Variants in NTRK3 observed in about 807,000 individuals in gnomAD.
NTRK3 encodes NT-3 growth factor receptor.
NTRK3 carries 24 observed loss-of-function variants against 91.7 expected under a neutral mutation model. That is an observed-to-expected ratio of 0.26 (90% CI 0.19 to 0.37). The LOEUF (loss-of-function observed/expected upper bound fraction) is 0.37, where lower values mean the gene tolerates loss of function less well. Among genes scored for constraint, NTRK3 ranks in the 10% least tolerant of loss-of-function variants. The pLI is 1.00. For synonymous variants in NTRK3, 483 were observed against 404.0 expected (o/e 1.20, Z -2.34); for missense variants, 880 against 1,068.9 (o/e 0.82, Z 2.46).
At chr15:87,952,829 G>A (rs1399993136) in intron 14 of NTRK3, among the ~76,000 whole-genome samples, 1 of 152,044 alleles carries the variant, frequency 6.6e-6, no homozygotes, top group Non-Finnish European at 1.5e-5. Context: ...GCTTCTGCCA[G>A]GCACCCCCGC....
intron 15 of NTRK3, among the ~76,000 whole-genome samples, chr15:87,938,515 C>T (rs1397746863): frequency 2.0e-5 from 3 of 152,096 alleles, no homozygotes; most frequent in African/African-American, 7.2e-5. Flanking sequence ...AAATCCCAGA[C>T]GGTTCATCTC....
chr15:88,026,184 C>T (rs920981599), intron 14 of NTRK3, among the ~76,000 whole-genome samples: 13 of 151,954 alleles, frequency 8.6e-5, no homozygotes, highest in Admixed American at 2.0e-4. Flanking sequence ...GGCAGGAGAA[C>T]GGTGTGAACC....
rs142353354 is a variant in NTRK3 at position 87,936,438 on chromosome 15, T to C, written c.1717-3254A>G. Among the ~76,000 whole-genome samples, 1,055 of 152,094 alleles carry C rather than the reference T, an allele frequency of 6.9e-3. 4 individuals carry two copies. The highest frequency in any genetic ancestry group is 0.012 in the Non-Finnish European group (811 of 67,996). On this transcript the variant is annotated intron_variant, in intron 15 of 18. Coordinates refer to ENST00000394480, the Ensembl canonical transcript of NTRK3. ...GCTGTTTATTTGGATGGAAGGAAAA[T>C]AGGCTAGATGGCAAGAACACAACTT...
intron 13 of NTRK3, among the ~76,000 whole-genome samples, chr15:88,034,252 C>T (rs2078872770): frequency 6.6e-6 from 1 of 152,166 alleles, no homozygotes; most frequent in Admixed American, 6.5e-5. Context: ...GGGCCAGCTG[C>T]CCCACTCTTG....
At chr15:88,141,876 T>C (rs759937897) in intron 6 of NTRK3, among the ~76,000 whole-genome samples, 5 of 152,240 alleles carry the variant, frequency 3.3e-5, no homozygotes, top group African/African-American at 1.2e-4. Flanking sequence ...CCCAGGGTCC[T>C]GCTTACAGGA....
chr15:88,022,743 C>T (rs1194652870), intron 14 of NTRK3, among the ~76,000 whole-genome samples: 1 of 152,012 alleles, frequency 6.6e-6, no homozygotes, highest in Non-Finnish European at 1.5e-5. Context: ...ATCATTCTTC[C>T]CCTCCTCGAC....
intron 5 of NTRK3, among the ~76,000 whole-genome samples, chr15:88,152,400 G>C (rs1326223297): frequency 6.6e-6 from 1 of 152,190 alleles, no homozygotes; most frequent in African/African-American, 2.4e-5. Flanking sequence ...GTTAAGTAAG[G>C]ACATATGGGT....
intron 14 of NTRK3, among the ~76,000 whole-genome samples, chr15:87,947,726 G>A (rs1304196419): frequency 6.6e-6 from 1 of 152,128 alleles, no homozygotes; most frequent in East Asian, 1.9e-4. Context: ...GAGGAAGGGA[G>A]GATCTGTGAG....
intron 13 of NTRK3, among the ~76,000 whole-genome samples, chr15:88,115,651 T>G (rs996348917): frequency 2.6e-5 from 4 of 152,002 alleles, no homozygotes; most frequent in Admixed American, 1.3e-4. Flanking sequence ...TTTCCAGGAC[T>G]TATCAGTCCT....
intron 14 of NTRK3, among the ~76,000 whole-genome samples, chr15:87,948,813 T>C (rs2070820117): frequency 6.6e-6 from 1 of 152,210 alleles, no homozygotes; most frequent in South Asian, 2.1e-4. Context: ...TGGGACCAGG[T>C]TGGCTCAGGA....
intron 5 of NTRK3, among the ~76,000 whole-genome samples, chr15:88,151,755 C>T (rs889195032): frequency 6.6e-6 from 1 of 152,174 alleles, no homozygotes; most frequent in Admixed American, 6.5e-5. Flanking sequence ...GTTGGGCTGA[C>T]ATTTGGAAGC....
chr15:87,861,919 C>T (rs945965932), exon 19 of NTRK3: 4 of 215,418 alleles, frequency 1.9e-5, no homozygotes, highest in Non-Finnish European at 3.7e-5. Context: ...GCAGATCGTT[C>T]CTCCATTAGC....
intron 6 of NTRK3, among the ~76,000 whole-genome samples, chr15:88,140,225 G>C (rs1319095652): frequency 6.6e-6 from 1 of 152,206 alleles, no homozygotes; most frequent in African/African-American, 2.4e-5. Flanking sequence ...TATAGGATAA[G>C]CTGGAGAGGA....
At chr15:88,095,097 C>T (rs2049446297) in intron 13 of NTRK3, among the ~76,000 whole-genome samples, 1 of 152,196 alleles carries the variant, frequency 6.6e-6, no homozygotes, top group African/African-American at 2.4e-5. Flanking sequence ...CAGACTCTGC[C>T]TTGGCAGCAA....
intron 15 of NTRK3, among the ~76,000 whole-genome samples, chr15:87,933,634 A>G (rs1162404328): frequency 6.6e-6 from 1 of 152,260 alleles, no homozygotes; most frequent in Non-Finnish European, 1.5e-5. Flanking sequence ...CTCATAGCCT[A>G]TTGGAAACTG....
At chr15:88,090,947 C>G (rs1229452691) in intron 13 of NTRK3, among the ~76,000 whole-genome samples, 1 of 152,226 alleles carries the variant, frequency 6.6e-6, no homozygotes, top group African/African-American at 2.4e-5. Flanking sequence ...CTCAAGCCAT[C>G]TGACCAAGAC....
intron 3 of NTRK3, among the ~76,000 whole-genome samples, chr15:88,239,530 CT>C (rs1269175261): frequency 6.6e-6 from 1 of 152,134 alleles, no homozygotes; most frequent in Non-Finnish European, 1.5e-5. Flanking sequence ...CATCTCTCAA[CT>C]ACAGGTTGGA....
chr15:88,029,627 G>A (rs2078351122), intron 14 of NTRK3, among the ~76,000 whole-genome samples: 1 of 152,178 alleles, frequency 6.6e-6, no homozygotes, highest in Non-Finnish European at 1.5e-5. Flanking sequence ...AGAATGAGGA[G>A]ACCCCCTGGG....
chr15:88,252,127 A>C (rs1233514104), intron 3 of NTRK3, among the ~76,000 whole-genome samples: 1 of 151,974 alleles, frequency 6.6e-6, no homozygotes, highest in East Asian at 1.9e-4. Context: ...CCTGCTTCCA[A>C]ATCTCATGTC....
Sources: gnomAD v4.1 joint callset for allele counts (sites outside exome capture counted in the v4.1 genomes callset) on GRCh38, gnomAD v4.1.1 for gene constraint, MANE v1.5 for transcripts, NCBI Gene and HGNC (gene_info 2026-07-23, HGNC 2026-07-21) for gene names.